Variants in SYT16 observed in about 807,000 individuals in gnomAD.
The protein encoded by SYT16 is synaptotagmin 16, also known as synaptotagmin-16.
A neutral mutation model predicts 61.4 loss-of-function variants in SYT16; 42 were observed. The ratio of observed to expected loss-of-function variants is 0.68; its 90% CI spans 0.53 to 0.89. The LOEUF (loss-of-function observed/expected upper bound fraction) is 0.89, where lower values mean the gene tolerates loss of function less well. Among genes scored for constraint, SYT16 ranks in the 40% least tolerant of loss-of-function variants. The probability of loss-of-function intolerance (pLI) is 0.00; values close to 1 mark genes in which losing one functional copy is unlikely to be tolerated. For synonymous variants in SYT16, 314 were observed against 302.3 expected (o/e 1.04, Z -0.40); for missense variants, 804 against 807.3 (o/e 1.00, Z 0.05).
chr14:62,002,345 A>G (rs567930814), intron 3 of SYT16, among the ~76,000 whole-genome samples: 1 of 152,220 alleles, frequency 6.6e-6, no homozygotes, highest in South Asian at 2.1e-4. Context: ...TGTTTAGGGT[A>G]GGGGCTTGTT....
At chr14:61,815,063 A>G (rs562410416) in intron 1 of SYT16, among the ~76,000 whole-genome samples, 1 of 152,326 alleles carries the variant, frequency 6.6e-6, no homozygotes, top group South Asian at 2.1e-4. Context: ...GAGGTCTTAA[A>G]CTTTAACATG....
intron 1 of SYT16, among the ~76,000 whole-genome samples, chr14:61,910,793 T>A (rs1180699501): frequency 6.6e-6 from 1 of 152,124 alleles, no homozygotes; most frequent in Non-Finnish European, 1.5e-5. Flanking sequence ...CCTCCCAAAG[T>A]GTTGGGATTA....
At position 62,102,914 on chromosome 14, in the gene SYT16, T is replaced by C. The variant is rs1449983566; in HGVS notation, c.*2207T>C. 6.6e-6 allele frequency: 1 copy of C among 152,154 alleles called. No homozygotes were observed. The highest frequency in any genetic ancestry group is 1.9e-4 in the East Asian group (1 of 5,192). 9.4% of individuals were successfully genotyped at this position (152,154 alleles called of 1,614,324 possible). On this transcript the variant is annotated 3_prime_UTR_variant, in exon 8 of 8. Transcript: ENST00000683842. ...TTTGTGTGCTTGATCTGCCTTCCAA[T>C]GGTCTGTTTATGATACAGTTTACAG...
intron 3 of SYT16, among the ~76,000 whole-genome samples, chr14:62,010,839 T>C (rs1417926972): frequency 1.3e-5 from 2 of 152,188 alleles, no homozygotes; most frequent in East Asian, 3.9e-4. Flanking sequence ...TTTAGGTTTT[T>C]CTGGGACTAC....
chr14:61,920,053 C>T (rs1314037405), intron 1 of SYT16, among the ~76,000 whole-genome samples: 1 of 152,158 alleles, frequency 6.6e-6, no homozygotes, highest in Non-Finnish European at 1.5e-5. Flanking sequence ...CTGCATGCTC[C>T]AGGCCCCCCG....
At chr14:61,912,654 A>T (rs1440234396) in intron 1 of SYT16, among the ~76,000 whole-genome samples, 6 of 152,208 alleles carry the variant, frequency 3.9e-5, no homozygotes, top group African/African-American at 1.4e-4. Flanking sequence ...GAAGATGTAT[A>T]TTGACTCAGG....
At chr14:61,883,933 G>T (rs2047795223) in intron 1 of SYT16, among the ~76,000 whole-genome samples, 1 of 152,166 alleles carries the variant, frequency 6.6e-6, no homozygotes, top group South Asian at 2.1e-4. Flanking sequence ...CAGATGTTTT[G>T]AGACTCACTA....
chr14:61,880,304 G>A (rs534799387), intron 1 of SYT16, among the ~76,000 whole-genome samples: 4 of 152,200 alleles, frequency 2.6e-5, no homozygotes, highest in African/African-American at 9.6e-5. Context: ...TGGGGGGTCT[G>A]TTTCTGGACT....
intron 1 of SYT16, among the ~76,000 whole-genome samples, chr14:61,875,919 T>C (rs1009153857): frequency 6.6e-6 from 1 of 152,186 alleles, no homozygotes; most frequent in Non-Finnish European, 1.5e-5. Flanking sequence ...AGCAAGTCTT[T>C]GGTATTTTTG....
chr14:61,923,296 CTTA>C lies in SYT16; in HGVS notation c.-324-46831_-324-46829del, dbSNP rs777360208. ...TTTTAGCAGAATTATTCATCACTTT[CTTA>C]TTATGTAAAATGGCAATGATGAAGA... On this transcript the variant is annotated intron_variant, in intron 1 of 7. Transcript: ENST00000683842. 5.3e-5 allele frequency among the ~76,000 whole-genome samples: 8 copies of C among 152,250 alleles called. No homozygotes were observed. In the South Asian group the frequency reaches 8.3e-4, roughly 16 times the overall value.
chr14:62,011,926 C>CATATATATAT (rs142408466), intron 3 of SYT16, among the ~76,000 whole-genome samples: 14 of 132,820 alleles, frequency 1.1e-4, no homozygotes, highest in African/African-American at 2.4e-4. Context: ...CACACACACA[C>CATATATATAT]ATATATATAT....
At chr14:62,086,219 C>T (rs897766736) in intron 7 of SYT16, among the ~76,000 whole-genome samples, 1 of 152,204 alleles carries the variant, frequency 6.6e-6, no homozygotes, top group African/African-American at 2.4e-5. Flanking sequence ...GGCTCAATGC[C>T]TGTAATCCCA....
intron 3 of SYT16, among the ~76,000 whole-genome samples, chr14:62,027,382 G>A (rs2054141525): frequency 1.3e-5 from 2 of 152,206 alleles, no homozygotes; most frequent in Admixed American, 6.5e-5. Flanking sequence ...GAGAGATGGA[G>A]AGGAACCTCA....
intron 1 of SYT16, among the ~76,000 whole-genome samples, chr14:61,944,804 A>G (rs1461886840): frequency 2.6e-5 from 4 of 152,208 alleles, no homozygotes; most frequent in African/African-American, 4.8e-5. Flanking sequence ...AACCTAGGCA[A>G]TACTATTCAG....
intron 1 of SYT16, among the ~76,000 whole-genome samples, chr14:61,829,963 T>C (rs1351876795): frequency 1.3e-5 from 2 of 152,208 alleles, no homozygotes; most frequent in South Asian, 2.1e-4. Context: ...TTTATTGATA[T>C]ATTTTCAAGA....
intron 1 of SYT16, among the ~76,000 whole-genome samples, chr14:61,917,669 G>C (rs1011444686): frequency 6.6e-6 from 1 of 151,966 alleles, no homozygotes; most frequent in African/African-American, 2.4e-5. Flanking sequence ...TTGCTTAAAG[G>C]TACTTGAGTT....
Position 62,078,810 on chromosome 14 carries a change from T to G in SYT16, c.994-2024T>G, listed in dbSNP as rs78267456. Among the ~76,000 whole-genome samples, 941 of 152,288 alleles carry G rather than the reference T, an allele frequency of 6.2e-3. 10 individuals carry two copies. In the East Asian group the frequency reaches 0.067, roughly 11 times the overall value. ...CCTTGGCGGTCGACAGAGAGACCAA[T>G]GATAAGAAATGAGAATTATATTGTG... On this transcript the variant is annotated intron_variant, in intron 5 of 7. Transcript: ENST00000683842.
rs1467299256 is a variant in SYT16 at position 61,888,674 on chromosome 14, A to G, written c.-325+75864A>G. ...GTTTGAAATTATTGTGTGAATTACA[A>G]AAATGTGACAGAGACACAAAGTGAG... On this transcript the variant is annotated intron_variant, in intron 1 of 7. Coordinates refer to ENST00000683842, the MANE Select transcript of SYT16 (RefSeq NM_001367656.1). Among the ~76,000 whole-genome samples, 6 of 152,150 alleles carry G rather than the reference A, an allele frequency of 3.9e-5. No individual in the cohort carries two copies. The South Asian group carries it at 8.3e-4, about 21-fold the overall frequency.
intron 7 of SYT16, among the ~76,000 whole-genome samples, chr14:62,088,015 G>A (rs1264293874): frequency 6.6e-6 from 1 of 152,196 alleles, no homozygotes; most frequent in Non-Finnish European, 1.5e-5. Context: ...CATTCTTGGT[G>A]TGAGTGTAAA....
Sources: allele counts gnomAD v4.1 joint callset (sites outside exome capture counted in the v4.1 genomes callset), GRCh38; gene constraint gnomAD v4.1.1; transcripts MANE v1.5; gene names NCBI Gene and HGNC (gene_info 2026-07-23, HGNC 2026-07-21).